SEMA3E: variants seen among roughly 807,000 people sequenced by gnomAD.
SEMA3E encodes semaphorin-3E.
Under a neutral mutation model 93.6 loss-of-function variants are expected in SEMA3E, and 49 were observed. The observed-to-expected ratio is 0.52, with a 90% CI of 0.42 to 0.66. The LOEUF (loss-of-function observed/expected upper bound fraction) is 0.66, where lower values mean the gene tolerates loss of function less well. Among genes scored for constraint, SEMA3E ranks in the 30% least tolerant of loss-of-function variants. The pLI is 0.00. For missense variants in SEMA3E, 906 were observed against 964.8 expected, an observed-to-expected ratio of 0.94 and a Z score of 0.81; for synonymous variants, 363 against 330.7, an observed-to-expected ratio of 1.10 and a Z score of -1.06.
chr7:83,371,987 T>C, intron 16 of SEMA3E: 1 of 315,256 alleles, frequency 3.2e-6, no homozygotes, highest in Non-Finnish European at 5.7e-6. Flanking sequence ...ACAAGTTTCA[T>C]CTCTTCAAAC....
chr7:83,600,711 A>G (rs1161820725), intron 1 of SEMA3E, among the ~76,000 whole-genome samples: 1 of 151,976 alleles, frequency 6.6e-6, no homozygotes, highest in African/African-American at 2.4e-5. Context: ...AGAAAAAAAT[A>G]GTACTTTTTG....
At chr7:83,634,727 G>A (rs796516135) in intron 1 of SEMA3E, among the ~76,000 whole-genome samples, 2 of 152,010 alleles carry the variant, frequency 1.3e-5, no homozygotes, top group East Asian at 1.9e-4. Context: ...AACTTCTTAT[G>A]ACTGTAACAA....
intron 1 of SEMA3E, among the ~76,000 whole-genome samples, chr7:83,596,251 T>G (rs571610008): frequency 1.3e-5 from 2 of 152,018 alleles, no homozygotes; most frequent in Non-Finnish European, 2.9e-5. Context: ...GACATCCATC[T>G]TTTCTTTTCT....
chr7:83,467,646 T>A (rs1789798315), intron 3 of SEMA3E, among the ~76,000 whole-genome samples: 1 of 152,256 alleles, frequency 6.6e-6, no homozygotes, highest in African/African-American at 2.4e-5. Flanking sequence ...CCATAAACAA[T>A]ACAAAACTAA....
At chr7:83,601,169 T>C (rs1045942751) in intron 1 of SEMA3E, among the ~76,000 whole-genome samples, 1 of 152,312 alleles carries the variant, frequency 6.6e-6, no homozygotes, top group Non-Finnish European at 1.5e-5. Flanking sequence ...CTAGATCTTC[T>C]AGAAGGGACA....
intron 13 of SEMA3E, among the ~76,000 whole-genome samples, 182 bp downstream of exon 13, chr7:83,394,115 T>C (rs1368477524): frequency 5.9e-5 from 9 of 152,124 alleles, no homozygotes; most frequent in Admixed American, 5.9e-4. Context: ...CTTAATATTT[T>C]GTTAACAGGG....
At chr7:83,641,391 C>T in intron 1 of SEMA3E, 2 of 985,396 alleles carry the variant, frequency 2.0e-6, no homozygotes, top group Non-Finnish European at 2.4e-6. Flanking sequence ...GTAAACAACA[C>T]ATGCTGAGCT....
intron 1 of SEMA3E, among the ~76,000 whole-genome samples, chr7:83,548,077 C>A (rs979347173): frequency 6.6e-6 from 1 of 152,034 alleles, no homozygotes; most frequent in African/African-American, 2.4e-5. Context: ...TCCTCTATTT[C>A]CTGTCTTTGT....
At chr7:83,445,693 G>A (rs556798383) in intron 4 of SEMA3E, among the ~76,000 whole-genome samples, 4 of 152,062 alleles carry the variant, frequency 2.6e-5, no homozygotes, top group Admixed American at 6.6e-5. Flanking sequence ...ATTCCAGCCT[G>A]GGCAACAAGA....
At chr7:83,451,142 G>A (rs1481872372) in intron 4 of SEMA3E, among the ~76,000 whole-genome samples, 2 of 152,092 alleles carry the variant, frequency 1.3e-5, no homozygotes, top group Admixed American at 6.5e-5. Context: ...AGAAGGACAG[G>A]TTTGCTTCCA....
In SEMA3E at chr7:83,367,389, TA is replaced by T. The variant is rs1286408305; in HGVS notation, c.*196del. 10 of 595,262 alleles carry T rather than the reference TA, an allele frequency of 1.7e-5. No individual in the cohort carries two copies. The African/African-American group carries it at 1.9e-4, about 11-fold the overall frequency. 36.9% of individuals were successfully genotyped at this position (595,262 alleles called of 1,614,324 possible). ...GAAACCATTAAGCAATGCATTTATT[TA>T]AAAAATTAGTTAATTTTATGTAAAG... On this transcript the variant is annotated 3_prime_UTR_variant, in exon 17 of 17. Coordinates refer to ENST00000643230, the MANE Select transcript of SEMA3E (RefSeq NM_012431.3).
intron 16 of SEMA3E, chr7:83,371,528 T>C (rs1484022854): frequency 1.3e-5 from 2 of 152,212 alleles, no homozygotes; most frequent in African/African-American, 2.4e-5. Context: ...TTTGGTTCAA[T>C]ATTTTAATAA....
intron 1 of SEMA3E, among the ~76,000 whole-genome samples, chr7:83,631,239 T>C (rs1183478567): frequency 6.6e-6 from 1 of 152,128 alleles, no homozygotes; most frequent in Non-Finnish European, 1.5e-5. Context: ...ATCCAGACCT[T>C]GAAATTGATC....
At chr7:83,588,879 T>C (rs1349978181) in intron 1 of SEMA3E, among the ~76,000 whole-genome samples, 1 of 152,092 alleles carries the variant, frequency 6.6e-6, no homozygotes, top group Non-Finnish European at 1.5e-5. Flanking sequence ...TCCTGGGGGA[T>C]CTTTCAGCTA....
chr7:83,505,601 T>A (rs1790685821), intron 1 of SEMA3E, among the ~76,000 whole-genome samples: 1 of 152,190 alleles, frequency 6.6e-6, no homozygotes, highest in South Asian at 2.1e-4. Flanking sequence ...AAGAATAAAC[T>A]GAAATTGTCC....
chr7:83,636,196 G>C (rs1378147673), intron 1 of SEMA3E, among the ~76,000 whole-genome samples: 2 of 152,078 alleles, frequency 1.3e-5, no homozygotes, highest in Non-Finnish European at 2.9e-5. Flanking sequence ...ATAATTTACA[G>C]ATATTTTCTG....
chr7:83,588,376 T>C (rs1395017747), intron 1 of SEMA3E, among the ~76,000 whole-genome samples: 1 of 150,948 alleles, frequency 6.6e-6, no homozygotes, highest in Non-Finnish European at 1.5e-5. Context: ...CAAGACTCTG[T>C]CTAAAAAAAA....
At chr7:83,502,404 C>T (rs1375667248) in intron 1 of SEMA3E, among the ~76,000 whole-genome samples, 2 of 152,114 alleles carry the variant, frequency 1.3e-5, no homozygotes, top group African/African-American at 2.4e-5. Context: ...TTGCCTACCT[C>T]AGCCCTGGTG....
intron 1 of SEMA3E, among the ~76,000 whole-genome samples, chr7:83,522,533 TTG>T (rs1791071180): frequency 1.3e-5 from 2 of 152,028 alleles, no homozygotes; most frequent in Non-Finnish European, 2.9e-5. Context: ...GCATCCTTAT[TTG>T]TCTTTTCCCC....
Sources: allele counts gnomAD v4.1 joint callset (sites outside exome capture counted in the v4.1 genomes callset), GRCh38; gene constraint gnomAD v4.1.1; transcripts MANE v1.5; gene names NCBI Gene and HGNC (gene_info 2026-07-23, HGNC 2026-07-21).